Variants in AIF1L observed in about 807,000 individuals in gnomAD.
The protein encoded by AIF1L is allograft inflammatory factor 1-like.
In AIF1L, 12 loss-of-function variants were observed where a neutral mutation model predicts 20.7. The ratio of observed to expected loss-of-function variants is 0.58; its 90% CI spans 0.37 to 0.94. AIF1L has a LOEUF of 0.94. Among genes scored for constraint, AIF1L ranks in the 40% least tolerant of loss-of-function variants. The pLI is 0.01. For missense variants in AIF1L, 173 were observed against 185.3 expected (o/e 0.93, Z 0.39); for synonymous variants, 76 against 65.1 (o/e 1.17, Z -0.81).
rs116951247 is a variant in AIF1L, at chr9:131,105,453, A to G, written c.94-6144A>G. On this transcript the variant is annotated intron_variant, in intron 2 of 5. Coordinates refer to ENST00000247291, the MANE Select transcript of AIF1L (RefSeq NM_031426.4). Reference sequence around the variant, plus strand: ...GATCTCAGCTCACTGCAACCTGCACATTCCGGGTTCAGACAATTCTCCTGC... The same window carrying G: ...GATCTCAGCTCACTGCAACCTGCACGTTCCGGGTTCAGACAATTCTCCTGC... Among the ~76,000 whole-genome samples the G allele has an allele frequency of 8.8e-4, 134 of 151,766 alleles. 1 individual carries two copies. The East Asian group carries it at 0.018, about 20-fold the overall frequency.
intron 2 of AIF1L, chr9:131,102,881 A>G (rs1409135463): frequency 6.6e-6 from 3 of 456,288 alleles, no homozygotes; most frequent in Non-Finnish European, 1.3e-5. Context: ...AGCCCCTTGG[A>G]TGGCCTCCAA....
rs751878147 is a variant in AIF1L at position 131,122,096 on chromosome 9, A to T, written c.*1774A>T. On this transcript the variant is annotated 3_prime_UTR_variant, in exon 6 of 6. Coordinates refer to ENST00000247291, the MANE Select transcript of AIF1L (RefSeq NM_031426.4). ...GTTAGGAAGGGGGAGGTATGGGGTGACTTCCCTGCAGTCCTGGGGGCCTAG... is the reference window on the plus strand; with the variant it reads ...GTTAGGAAGGGGGAGGTATGGGGTGTCTTCCCTGCAGTCCTGGGGGCCTAG... The T allele has an allele frequency of 1.3e-5, 2 of 152,270 alleles. No individual in the cohort carries two copies. The highest frequency in any genetic ancestry group is 2.9e-5 in the Non-Finnish European group (2 of 68,062). The allele number at this position is 152,270 out of a possible 1,614,324, so 9.4% of individuals were successfully genotyped here. A position where few individuals can be genotyped will look rare whatever the true frequency, so the allele number is the denominator to read the frequency against.
At chr9:131,100,912 T>C (rs781300561) in intron 2 of AIF1L, among the ~76,000 whole-genome samples, 4 of 152,154 alleles carry the variant, frequency 2.6e-5, no homozygotes, top group Non-Finnish European at 5.9e-5. Flanking sequence ...TTCTTTCTTT[T>C]TTTGAGACGG....
rs1330084793 is a variant in AIF1L at position 131,103,350 on chromosome 9, C to T, written c.93+6487C>T. ...TTGCCAGGAGGACTTCAGGGCATCA[C>T]GGAGGAGCACAGCATGGTCGGTGGG... On this transcript the variant is annotated intron_variant, in intron 2 of 5. Transcript: ENST00000247291. Among the ~76,000 whole-genome samples the T allele has an allele frequency of 3.9e-5, 6 of 152,304 alleles. No individual in the cohort carries two copies. In the East Asian group the frequency reaches 5.8e-4, roughly 15 times the overall value.
At chr9:131,116,025 T>C (rs1461685919) in intron 4 of AIF1L, among the ~76,000 whole-genome samples, 1 of 150,228 alleles carries the variant, frequency 6.7e-6, no homozygotes, top group Non-Finnish European at 1.5e-5. Flanking sequence ...TTTTCATCAT[T>C]AAAAAAATTG....
chr9:131,113,064 C>CG (rs909011556), intron 3 of AIF1L, among the ~76,000 whole-genome samples: 4 of 152,000 alleles, frequency 2.6e-5, no homozygotes, highest in Non-Finnish European at 4.4e-5. Context: ...TGTTCTCGCT[C>CG]GGGGGGCGGT....
At chr9:131,113,492 C>T (rs1258557972) in intron 3 of AIF1L, among the ~76,000 whole-genome samples, 4 of 62,436 alleles carry the variant, frequency 6.4e-5, no homozygotes, top group African/African-American at 1.2e-4. Context: ...AATGAGACTC[C>T]ATCTCAAAAA....
At chr9:131,116,595 A>G (rs1831019654) in intron 4 of AIF1L, among the ~76,000 whole-genome samples, 1 of 152,168 alleles carries the variant, frequency 6.6e-6, no homozygotes, top group Admixed American at 6.6e-5. Flanking sequence ...TAATGGCTGC[A>G]TTGTAGGAAT....
At chr9:131,106,949 T>C (rs1196314120) in intron 2 of AIF1L, among the ~76,000 whole-genome samples, 2 of 152,022 alleles carry the variant, frequency 1.3e-5, no homozygotes, top group African/African-American at 4.8e-5. Context: ...AAAAATTAGC[T>C]GGACGTGTTG....
In AIF1L at chr9:131,120,984, G is replaced by A. The variant is rs1831124435; in HGVS notation, c.*662G>A. 1 of 608,530 alleles carries A rather than the reference G, an allele frequency of 1.6e-6. No homozygotes were observed. The highest frequency in any genetic ancestry group is 1.8e-5 in the African/African-American group (1 of 54,874). 37.7% of individuals were successfully genotyped at this position (608,530 alleles called of 1,614,324 possible). The stretch of plus-strand genomic sequence containing the variant: ...CCAGTCCTGCTCTCTGGCCACACCT[G>A]TGCAGGCAGCTGAGAGGCAGCGTGC... On this transcript the variant is annotated 3_prime_UTR_variant, in exon 6 of 6. Transcript: ENST00000247291.
intron 3 of AIF1L, 43 bp from the exon 4 acceptor site, chr9:131,114,534 G>T: frequency 1.2e-6 from 2 of 1,610,704 alleles, no homozygotes; most frequent in Non-Finnish European, 1.7e-6. Context: ...ACAGGGAGAC[G>T]CTGCTTCCAA....
chr9:131,101,090 GT>G (rs1275833554), intron 2 of AIF1L, among the ~76,000 whole-genome samples: 1 of 151,696 alleles, frequency 6.6e-6, no homozygotes, highest in East Asian at 2.0e-4. Context: ...TAGAGACGGG[GT>G]TTCACCATAT....
In AIF1L at chr9:131,121,078, G is replaced by GT. The variant is rs397816992; in HGVS notation, c.*756_*757insT. 5.6e-6 allele frequency: 4 copies of GT among 712,016 alleles called. No individual in the cohort carries two copies. The highest frequency in any genetic ancestry group is 1.0e-5 in the Non-Finnish European group (4 of 382,384). The allele number at this position is 712,016 out of a possible 1,614,324, so 44.1% of individuals were successfully genotyped here. On this transcript the variant is annotated 3_prime_UTR_variant, in exon 6 of 6. Transcript: ENST00000247291. ...AGAAGTGAGGCCTGGGGTTTTGGGG[G>GT]AAAGGTCAGCTCAGTGCTGTTCCAC...
intron 2 of AIF1L, among the ~76,000 whole-genome samples, chr9:131,110,318 C>T (rs973932583): frequency 2.0e-5 from 3 of 152,064 alleles, no homozygotes; most frequent in Admixed American, 6.6e-5. Context: ...CAATCCTCCC[C>T]ACCCTGCCCA....
At chr9:131,110,471 A>C (rs1830850614) in intron 2 of AIF1L, among the ~76,000 whole-genome samples, 1 of 151,632 alleles carries the variant, frequency 6.6e-6, no homozygotes, top group African/African-American at 2.4e-5. Context: ...AGAGACGACG[A>C]ATTCACACTC....
At chr9:131,109,881 GC>G (rs1195141556) in intron 2 of AIF1L, among the ~76,000 whole-genome samples, 1 of 152,114 alleles carries the variant, frequency 6.6e-6, no homozygotes, top group Non-Finnish European at 1.5e-5. Flanking sequence ...TGGCTTATGA[GC>G]CTCAGTTTCC....
intron 2 of AIF1L, among the ~76,000 whole-genome samples, chr9:131,097,232 AGGCTCCG>A (rs1830550007): frequency 1.3e-5 from 2 of 152,178 alleles, no homozygotes; most frequent in Non-Finnish European, 2.9e-5. Flanking sequence ...CTCAGAACAC[AGGCTCCG>A]GGTCATTTGC....
chr9:131,099,469 A>C (rs1830593252), intron 2 of AIF1L, among the ~76,000 whole-genome samples: 1 of 152,188 alleles, frequency 6.6e-6, no homozygotes, highest in Non-Finnish European at 1.5e-5. Context: ...GGCAGCCCGG[A>C]CTGCCTTCCT....
At position 131,111,614 on chromosome 9, in the gene AIF1L, G is replaced by C. The variant is rs774467038; in HGVS notation, c.111G>C (p.Gln37His). ...CTCTGTAGGAGTTTCTGTGTGACCA[G>C]AAGTACAGTGATGAAGAGAACCTTC... The part of the protein sequence containing the change: ...AEINREFLCD[Q>H]KYSDEENLPE... Residue 37 changes from glutamine to histidine, a missense_variant, in exon 3 of 6, where the codon CAG (glutamine) becomes CAC (histidine). Coordinates refer to ENST00000247291, the MANE Select transcript of AIF1L (RefSeq NM_031426.4). 2 of 1,614,040 alleles carry C rather than the reference G, an allele frequency of 1.2e-6. No individual in the cohort carries two copies. The highest frequency in any genetic ancestry group is 3.3e-5 in the Admixed American group (2 of 60,020).
Sources: gnomAD v4.1 joint callset for allele counts (sites outside exome capture counted in the v4.1 genomes callset) on GRCh38, gnomAD v4.1.1 for gene constraint, MANE v1.5 for transcripts, NCBI Gene and HGNC (gene_info 2026-07-23, HGNC 2026-07-21) for gene names.